NCKAP5: variants seen among roughly 807,000 people sequenced by gnomAD.
NCKAP5 encodes NCK associated protein 5, also known as nck-associated protein 5.
A neutral mutation model predicts 167.0 loss-of-function variants in NCKAP5; 92 were observed. The ratio of observed to expected loss-of-function variants is 0.55; its 90% confidence interval spans 0.47 to 0.66. The LOEUF (loss-of-function observed/expected upper bound fraction) is 0.66, where lower values mean the gene tolerates loss of function less well. Ranked by LOEUF, NCKAP5 falls within the 30% of genes least tolerant of loss-of-function variation. The pLI is 0.00. For synonymous variants in NCKAP5, 891 were observed against 877.4 expected, an observed-to-expected ratio of 1.02 and a Z score of -0.27; for missense variants, 2,378 against 2,315.0, an observed-to-expected ratio of 1.03 and a Z score of -0.56.
At chr2:133,383,963 T>C (rs916247676) in intron 3 of NCKAP5, among the ~76,000 whole-genome samples, 3 of 152,252 alleles carry the variant, frequency 2.0e-5, no homozygotes, top group African/African-American at 7.2e-5. Context: ...ATTAGCCCTT[T>C]GTCAGATGAA....
At chr2:133,137,668 A>AT (rs2082843564) in intron 5 of NCKAP5, among the ~76,000 whole-genome samples, 2 of 152,154 alleles carry the variant, frequency 1.3e-5, no homozygotes, top group Non-Finnish European at 2.9e-5. Flanking sequence ...ATATGTCCTT[A>AT]TTATTTAGCA....
chr2:133,320,740 A>AC (rs1274369320), intron 3 of NCKAP5, among the ~76,000 whole-genome samples: 17 of 152,042 alleles, frequency 1.1e-4, no homozygotes, highest in Non-Finnish European at 1.9e-4. Flanking sequence ...AAACAAACAA[A>AC]AAAAAAGAAA....
chr2:133,175,956 C>G (rs1209096500), intron 5 of NCKAP5, among the ~76,000 whole-genome samples: 1 of 152,186 alleles, frequency 6.6e-6, no homozygotes, highest in Non-Finnish European at 1.5e-5. Context: ...AAAATCTTAA[C>G]TAGGAGTTTA....
chr2:133,416,753 C>G (rs1689135299), intron 3 of NCKAP5, among the ~76,000 whole-genome samples: 1 of 152,054 alleles, frequency 6.6e-6, no homozygotes, highest in Non-Finnish European at 1.5e-5. Context: ...CAAAGCATTT[C>G]TACTCAGCTC....
At position 132,676,786 on chromosome 2, in the gene NCKAP5, G is replaced by T. The variant is rs1684553557; in HGVS notation, c.5714-3481C>A. Among the ~76,000 whole-genome samples the T allele has an allele frequency of 2.0e-5, 3 of 152,296 alleles. No individual in the cohort carries two copies. The South Asian group carries it at 6.2e-4, about 32-fold the overall frequency. On this transcript the variant is annotated intron_variant, in intron 19 of 19. Transcript: ENST00000409261. ...GACACTCTGCTAAGCATAGTGCATA[G>T]ATTATATGTTTCCATCCTCACATGA...
At chr2:133,007,030 GCTCTACCAAATC>G (rs1288662923) in intron 6 of NCKAP5, among the ~76,000 whole-genome samples, 1 of 152,108 alleles carries the variant, frequency 6.6e-6, no homozygotes, top group East Asian at 1.9e-4. Flanking sequence ...CAGAAAAGTC[GCTCTACCAAATC>G]CTCTTTCAGC....
At chr2:133,261,438 T>G (rs1456542616) in intron 4 of NCKAP5, among the ~76,000 whole-genome samples, 1 of 152,234 alleles carries the variant, frequency 6.6e-6, no homozygotes, top group Non-Finnish European at 1.5e-5. Flanking sequence ...CAGATATCAA[T>G]ACTGCTGTCT....
chr2:133,337,136 C>G (rs1191874669), intron 3 of NCKAP5, among the ~76,000 whole-genome samples: 1 of 152,116 alleles, frequency 6.6e-6, no homozygotes, highest in Non-Finnish European at 1.5e-5. Flanking sequence ...CATAAAGAAC[C>G]CAAATTATTA....
intron 2 of NCKAP5, chr2:133,556,846 GAGTA>G (rs979875085): frequency 4.6e-5 from 7 of 152,170 alleles, no homozygotes; most frequent in Admixed American, 6.5e-5. Flanking sequence ...TAAAAGATCT[GAGTA>G]AGTATTTCTT....
At chr2:132,862,256 T>C (rs1225529424) in intron 10 of NCKAP5, among the ~76,000 whole-genome samples, 1 of 152,188 alleles carries the variant, frequency 6.6e-6, no homozygotes, top group African/African-American at 2.4e-5. Flanking sequence ...TGAGCATGCA[T>C]CATCTTATCC....
At chr2:132,796,054 TG>T (rs1684580072) in intron 12 of NCKAP5, among the ~76,000 whole-genome samples, 1 of 152,278 alleles carries the variant, frequency 6.6e-6, no homozygotes, top group South Asian at 2.1e-4. Flanking sequence ...TCTACACTGA[TG>T]GAATTATTCA....
chr2:133,391,409 G>A (rs1462367913), intron 3 of NCKAP5: 2 of 152,918 alleles, frequency 1.3e-5, no homozygotes, highest in Non-Finnish European at 2.9e-5. Flanking sequence ...CGAAGTCTAA[G>A]TCTTGAGTCC....
intron 5 of NCKAP5, among the ~76,000 whole-genome samples, chr2:133,210,764 G>C (rs1240271280): frequency 6.6e-6 from 1 of 152,090 alleles, no homozygotes; most frequent in Non-Finnish European, 1.5e-5. Flanking sequence ...GGAACAGGGA[G>C]AAAAACTAAA....
At chr2:133,661,638 C>A in the NCKAP5 span, among the ~76,000 whole-genome samples, 7 of 152,194 alleles carry the variant, frequency 4.6e-5, no homozygotes, top group Non-Finnish European at 1.0e-4. Context: ...CATTATCATG[C>A]AGCTGATTTT....
At chr2:133,435,212 C>G (rs928664838) in intron 3 of NCKAP5, among the ~76,000 whole-genome samples, 1 of 152,164 alleles carries the variant, frequency 6.6e-6, no homozygotes, top group South Asian at 2.1e-4. Flanking sequence ...ATGACAGATT[C>G]ACTCATGTAA....
intron 5 of NCKAP5, among the ~76,000 whole-genome samples, chr2:133,177,927 G>A (rs925245286): frequency 1.3e-5 from 2 of 152,192 alleles, no homozygotes; most frequent in African/African-American, 4.8e-5. Context: ...CATCAATGCT[G>A]AGTGGCAAGG....
At chr2:133,583,795 C>A in the NCKAP5 span, among the ~76,000 whole-genome samples, 101 of 152,218 alleles carry the variant, frequency 6.6e-4, no homozygotes, top group African/African-American at 2.3e-3. Flanking sequence ...GCTCTGTCGC[C>A]CAGGCTGGAA....
At chr2:133,390,989 T>C (rs1687359597) in intron 3 of NCKAP5, 1 of 152,234 alleles carries the variant, frequency 6.6e-6, no homozygotes, top group Admixed American at 6.5e-5. Context: ...CCAAGCATTG[T>C]GTTGGGCACT....
At chr2:133,647,473 G>GAAGGA in the NCKAP5 span, among the ~76,000 whole-genome samples, 9,545 of 62,490 alleles carry the variant, frequency 0.15, 1,137 homozygotes, top group Non-Finnish European at 0.18. Flanking sequence ...AAGGGCAAGG[G>GAAGGA]AAGGAAAGGA....
Sources: allele counts gnomAD v4.1 joint callset (sites outside exome capture counted in the v4.1 genomes callset), GRCh38; gene constraint gnomAD v4.1.1; transcripts MANE v1.5; gene names NCBI Gene and HGNC (gene_info 2026-07-23, HGNC 2026-07-21).